SAMMSON: variants seen among roughly 807,000 people sequenced by gnomAD.
The protein encoded by SAMMSON is survival associated mitochondrial melanoma specific oncogenic non-coding RNA.
intron 4 of SAMMSON, among the ~76,000 whole-genome samples, chr3:70,074,210 T>C (rs1269295894): frequency 2.0e-5 from 3 of 152,084 alleles, no homozygotes; most frequent in Non-Finnish European, 4.4e-5. Context: ...TGTTTTTGAA[T>C]GTTAAATATA....
intron 3 of SAMMSON, among the ~76,000 whole-genome samples, chr3:70,063,680 A>G (rs572471461): frequency 1.3e-5 from 2 of 151,862 alleles, no homozygotes; most frequent in East Asian, 3.9e-4. Flanking sequence ...TCCCCCAGAA[A>G]CTCCTTTCTG....
intron 4 of SAMMSON, among the ~76,000 whole-genome samples, chr3:70,123,807 A>C (rs2067444734): frequency 6.6e-6 from 1 of 152,200 alleles, no homozygotes; most frequent in African/African-American, 2.4e-5. Flanking sequence ...GGGGGCAGGG[A>C]GAGTGCAGGA....
At chr3:70,125,684 G>T (rs2067454938) in intron 4 of SAMMSON, 2 of 696,384 alleles carry the variant, frequency 2.9e-6, no homozygotes, top group Admixed American at 4.1e-5. Context: ...GGTTGTGGTT[G>T]GTCAAATACA....
chr3:70,012,111 A>G (rs976551905), intron 1 of SAMMSON, among the ~76,000 whole-genome samples: 3 of 152,106 alleles, frequency 2.0e-5, no homozygotes, highest in Non-Finnish European at 4.4e-5. Flanking sequence ...GCTGGAGGAA[A>G]GAGATGTGAC....
chr3:70,249,254 CAG>C (rs1296448925), intron 5 of SAMMSON: 1 of 152,068 alleles, frequency 6.6e-6, no homozygotes, highest in Non-Finnish European at 1.5e-5. Flanking sequence ...TTTGAAGGGA[CAG>C]AACTGGATTC....
At chr3:70,257,254 T>C (rs1359362893) in intron 6 of SAMMSON, among the ~76,000 whole-genome samples, 1 of 152,218 alleles carries the variant, frequency 6.6e-6, no homozygotes, top group African/African-American at 2.4e-5. Context: ...ACCTGGCACA[T>C]CTGGCCATTC....
At chr3:70,207,583 C>T (rs1701304611) in intron 4 of SAMMSON, among the ~76,000 whole-genome samples, 1 of 151,866 alleles carries the variant, frequency 6.6e-6, no homozygotes, top group South Asian at 2.1e-4. Context: ...GGTTTCACAT[C>T]CCCAATACAA....
chr3:70,129,202 A>G (rs1368150393), intron 4 of SAMMSON, among the ~76,000 whole-genome samples: 2 of 152,196 alleles, frequency 1.3e-5, no homozygotes, highest in Non-Finnish European at 2.9e-5. Context: ...CAAGTGGTCA[A>G]ACTAGTGTGG....
chr3:70,118,430 A>G (rs781613808), intron 4 of SAMMSON, among the ~76,000 whole-genome samples: 8 of 151,960 alleles, frequency 5.3e-5, no homozygotes, highest in Non-Finnish European at 8.8e-5. Flanking sequence ...TTTTCCCCCA[A>G]CCTTTTATTT....
intron 4 of SAMMSON, among the ~76,000 whole-genome samples, chr3:70,108,423 CTTTT>C (rs61561713): frequency 5.6e-5 from 5 of 89,368 alleles, no homozygotes; most frequent in African/African-American, 8.3e-5. Flanking sequence ...CTTGCGGTTC[CTTTT>C]TTTTTTTTTT....
chr3:70,185,243 G>C (rs1377934948), intron 4 of SAMMSON, among the ~76,000 whole-genome samples: 1 of 152,102 alleles, frequency 6.6e-6, no homozygotes, highest in African/African-American at 2.4e-5. Flanking sequence ...TGCCACAAAA[G>C]GAGAAACCAT....
chr3:70,432,566 C>A (rs1350635253), intron 2 of SAMMSON, among the ~76,000 whole-genome samples: 1 of 151,930 alleles, frequency 6.6e-6, no homozygotes, highest in East Asian at 1.9e-4. Flanking sequence ...AGATGCCCCC[C>A]ACCTGCCACA....
intron 4 of SAMMSON, among the ~76,000 whole-genome samples, chr3:70,145,146 A>G (rs1276280086): frequency 6.6e-6 from 1 of 152,096 alleles, no homozygotes; most frequent in Non-Finnish European, 1.5e-5. Context: ...CAATGCGATT[A>G]TTATCCTCCA....
At chr3:70,265,708 G>T (rs1343599643) in intron 6 of SAMMSON, among the ~76,000 whole-genome samples, 1 of 152,184 alleles carries the variant, frequency 6.6e-6, no homozygotes, top group Non-Finnish European at 1.5e-5. Context: ...GCCTGAGAAT[G>T]GGCAATTTAC....
intron 9 of SAMMSON, among the ~76,000 whole-genome samples, chr3:70,375,115 C>G (rs2106748216): frequency 6.6e-6 from 1 of 152,206 alleles, no homozygotes; most frequent in East Asian, 1.9e-4. Context: ...TACATCTATG[C>G]CATATTGCTA....
chr3:70,288,758 A>C (rs1312752894), intron 6 of SAMMSON, among the ~76,000 whole-genome samples: 2 of 151,804 alleles, frequency 1.3e-5, no homozygotes, highest in African/African-American at 4.8e-5. Context: ...TTGGGTGCAT[A>C]TATATTTAGG....
intron 6 of SAMMSON, among the ~76,000 whole-genome samples, chr3:70,265,780 T>C (rs1246958752): frequency 6.6e-6 from 1 of 152,164 alleles, no homozygotes; most frequent in Non-Finnish European, 1.5e-5. Context: ...AGGAAACTTA[T>C]AATCATGATG....
At chr3:70,347,262 A>C (rs1702759121) in intron 7 of SAMMSON, among the ~76,000 whole-genome samples, 1 of 152,244 alleles carries the variant, frequency 6.6e-6, no homozygotes, top group Admixed American at 6.5e-5. Context: ...GATTTTATTT[A>C]AGCAAAGCTG....
intron 3 of SAMMSON, among the ~76,000 whole-genome samples, chr3:70,023,318 A>C (rs1196979170): frequency 6.6e-6 from 1 of 151,870 alleles, no homozygotes; most frequent in African/African-American, 2.4e-5. Context: ...AAAATTAGCC[A>C]GGCGTGGTGG....
Sources: allele counts gnomAD v4.1 joint callset (sites outside exome capture counted in the v4.1 genomes callset), GRCh38; gene constraint gnomAD v4.1.1; transcripts MANE v1.5; gene names NCBI Gene and HGNC (gene_info 2026-07-23, HGNC 2026-07-21).